The following TECTA variants were observed in gnomAD, a reference collection of about 807,000 sequenced individuals.
TECTA encodes tectorin alpha.
TECTA carries 128 observed loss-of-function variants against 216.8 expected under a neutral mutation model. That is an observed-to-expected ratio of 0.59 (90% CI 0.51 to 0.68). The LOEUF (loss-of-function observed/expected upper bound fraction) is 0.68. TECTA is among the 30% of genes least tolerant of loss of function. TECTA has a pLI of 0.00. For synonymous variants in TECTA, 1,089 were observed against 1,117.1 expected, an observed-to-expected ratio of 0.97 and a Z score of 0.50; for missense variants, 2,551 against 2,786.2, an observed-to-expected ratio of 0.92 and a Z score of 1.90.
chr11:121,188,046 G>A, intron 21 of TECTA, 52 bp downstream of exon 21: 1 of 1,604,476 alleles, frequency 6.2e-7, no homozygotes, highest in Non-Finnish European at 8.5e-7. Context: ...CACTGTCTTG[G>A]TTTCCCAACA....
chr11:121,184,952 C>T lies in TECTA; in HGVS notation c.6000-2880C>T, dbSNP rs151075962. Reference sequence around the variant, plus strand: ...CTTCCTCCTCTTTTTGTATTCCTTTCGCAACATAAAAGGGTTAAGATATGA... The same window carrying T: ...CTTCCTCCTCTTTTTGTATTCCTTTTGCAACATAAAAGGGTTAAGATATGA... On this transcript the variant is annotated intron_variant, in intron 20 of 23. Transcript: ENST00000392793. Among the ~76,000 whole-genome samples the T allele has an allele frequency of 8.7e-3, 1,323 of 152,234 alleles. 14 individuals carry two copies. Among genetic ancestry groups the T allele is most frequent in the Middle Eastern group, 0.044 (13 of 294 alleles).
chr11:121,141,010 G>T (rs1477251653), intron 11 of TECTA: 2 of 152,114 alleles, frequency 1.3e-5, no homozygotes, highest in Non-Finnish European at 2.9e-5. Flanking sequence ...AGGAGAAATG[G>T]ATTAAAGAGG....
At chr11:121,131,628 G>A (rs181717214) in intron 10 of TECTA, among the ~76,000 whole-genome samples, 2 of 152,246 alleles carry the variant, frequency 1.3e-5, no homozygotes, top group Admixed American at 1.3e-4. Context: ...GTCTTTTACA[G>A]CCAAAACAAA....
In TECTA at chr11:121,129,866, A is replaced by G. The variant is rs1268594130; in HGVS notation, c.2596A>G (p.Lys866Glu). The G allele has an allele frequency of 6.2e-7, 1 of 1,614,226 alleles. No homozygotes were observed. Among genetic ancestry groups the G allele is most frequent in the Non-Finnish European group, 8.5e-7 (1 of 1,180,046 alleles). The stretch of plus-strand genomic sequence containing the variant: ...TGACGAGTTCTGTCTCCCCAACGGC[A>G]AGTGCACGGACAACCTGGCAGTGTT... The part of the protein sequence containing the change: ...ASDEFCLPNG[K>E]CTDNLAVFLE... The change falls in exon 10 of 24, where the codon AAG becomes GAG. Residue 866 changes from lysine to glutamate, a missense_variant. Transcript: ENST00000392793.
chr11:121,131,547 T>C (rs1047028029), intron 10 of TECTA, among the ~76,000 whole-genome samples: 1 of 152,204 alleles, frequency 6.6e-6, no homozygotes, highest in African/African-American at 2.4e-5. Context: ...AAAATCAGGA[T>C]ATTGCCATTG....
chr11:121,182,999 C>A (rs1000975009), intron 20 of TECTA, among the ~76,000 whole-genome samples: 10 of 152,172 alleles, frequency 6.6e-5, no homozygotes, highest in African/African-American at 2.2e-4. Context: ...GCAGCAGCTG[C>A]AGGCAGGTGG....
At chr11:121,137,257 C>CACACACATGCATGCACAAATGCATGCAT (rs1946738156) in intron 10 of TECTA, among the ~76,000 whole-genome samples, 164 bp from the exon 11 acceptor site, 1 of 152,070 alleles carries the variant, frequency 6.6e-6, no homozygotes, top group Non-Finnish European at 1.5e-5. Context: ...CGCACGTGCA[C>CACACACATGCATGCACAAATGCATGCAT]ACACACATGC....
rs1946597128 is a variant in TECTA at position 121,125,305 on chromosome 11, A to T, written c.1207A>T (p.Asn403Tyr). The T allele has an allele frequency of 3.7e-6, 6 of 1,612,820 alleles. No individual in the cohort carries two copies. Among genetic ancestry groups the T allele is most frequent in the Non-Finnish European group, 4.2e-6 (5 of 1,180,030 alleles). Residue 403 changes from asparagine to tyrosine, a missense_variant, in exon 8 of 24, where the codon AAT becomes TAT. This residue lies in a region of TECTA where 2,375 missense variants were observed against 2,563.9 expected (regional missense o/e 0.93). Coordinates refer to ENST00000392793, the MANE Select transcript of TECTA (RefSeq NM_005422.4). ...PKGSYGRVKV[N>Y]DLVTSLPVTL... ...TCACTATTACTGTTGTTGGCAGGTT[A>T]ATGACCTAGTGACTTCTTTGCCTGT...
chr11:121,188,464 C>CTG (rs1947309573), intron 21 of TECTA, among the ~76,000 whole-genome samples: 1 of 152,206 alleles, frequency 6.6e-6, no homozygotes, highest in Non-Finnish European at 1.5e-5. Flanking sequence ...GGCCAAGTTC[C>CTG]ACTCCACTAT....
intron 9 of TECTA, 111 bp downstream of exon 9, chr11:121,128,455 AAAG>A: frequency 9.9e-7 from 1 of 1,006,570 alleles, no homozygotes; most frequent in Non-Finnish European, 1.4e-6. Flanking sequence ...TGGATTTTAG[AAAG>A]AAGATGGCTC....
chr11:121,168,894 G>T lies in TECTA; in HGVS notation c.5968G>T (p.Asp1990Tyr), dbSNP rs1464676965. 4 of 1,614,134 alleles carry T rather than the reference G, an allele frequency of 2.5e-6. No homozygotes were observed. Among genetic ancestry groups the T allele is most frequent in the Non-Finnish European group, 3.4e-6 (4 of 1,180,018 alleles). Residue 1990 changes from aspartate to tyrosine, a missense_variant, in exon 20 of 24, where the codon GAT becomes TAT. By Grantham distance (160) the Asp-to-Tyr change is radical. This residue lies in a region of TECTA where 58 missense variants were observed against 105.9 expected (regional missense o/e 0.55). Coordinates refer to ENST00000392793, the MANE Select transcript of TECTA (RefSeq NM_005422.4). ...CYATPTRDSN[D>Y]KLRYFIIEGG... ...TGCCACACCCACCCGAGATAGCAAT[G>T]ATAAGCTCCGATATTTCATCATTGA...
intron 10 of TECTA, among the ~76,000 whole-genome samples, chr11:121,135,637 A>G (rs922374030): frequency 1.3e-5 from 2 of 152,244 alleles, no homozygotes; most frequent in African/African-American, 4.8e-5. Context: ...GAACTGTTGT[A>G]TCGGTACTTG....
intron 4 of TECTA, 137 bp from the exon 5 acceptor site, chr11:121,112,935 A>G: frequency 1.1e-5 from 11 of 1,021,284 alleles, no homozygotes; most frequent in Non-Finnish European, 1.6e-5. Flanking sequence ...GAGAGGAGTC[A>G]GAGCTGGAGG....
At chr11:121,169,928 C>A (rs2134199012) in intron 20 of TECTA, among the ~76,000 whole-genome samples, 1 of 152,186 alleles carries the variant, frequency 6.6e-6, no homozygotes, top group South Asian at 2.1e-4. Context: ...CTATAGTCAC[C>A]CTACTGTGCT....
At chr11:121,157,452 G>C (rs916378357) in intron 13 of TECTA, among the ~76,000 whole-genome samples, 1 of 152,104 alleles carries the variant, frequency 6.6e-6, no homozygotes, top group African/African-American at 2.4e-5. Context: ...AATTAGCTGG[G>C]TGTGGTGGCG....
At chr11:121,167,294 G>T (rs989245476) in intron 18 of TECTA, among the ~76,000 whole-genome samples, 1 of 152,180 alleles carries the variant, frequency 6.6e-6, no homozygotes, top group African/African-American at 2.4e-5. Flanking sequence ...AATTAGCTGG[G>T]TGTGGTGACA....
chr11:121,128,790 C>T (rs552862590), intron 9 of TECTA, among the ~76,000 whole-genome samples: 1 of 152,180 alleles, frequency 6.6e-6, no homozygotes, highest in Non-Finnish European at 1.5e-5. Context: ...CCCTTGCACC[C>T]TACTAACTCC....
At chr11:121,106,719 C>T (rs574817347) in intron 3 of TECTA, among the ~76,000 whole-genome samples, 97 of 152,318 alleles carry the variant, frequency 6.4e-4, no homozygotes, top group African/African-American at 2.3e-3. Context: ...ATGTCCACCT[C>T]TGGCCATCTC....
At chr11:121,154,489 G>A (rs951162421) in intron 13 of TECTA, among the ~76,000 whole-genome samples, 3 of 152,198 alleles carry the variant, frequency 2.0e-5, no homozygotes, top group Non-Finnish European at 4.4e-5. Context: ...TCACAATTGA[G>A]GAGAAGATAT....
Sources: gnomAD v4.1 joint callset for allele counts (sites outside exome capture counted in the v4.1 genomes callset) on GRCh38, gnomAD v4.1.1 for gene constraint, gnomAD v4.1.1 regional missense constraint, MANE v1.5 for transcripts, NCBI Gene and HGNC (gene_info 2026-07-23, HGNC 2026-07-21) for gene names.